The following CACNA2D2 variants were observed in gnomAD, a reference collection of about 807,000 sequenced individuals.
CACNA2D2 encodes the protein calcium voltage-gated channel auxiliary subunit alpha2delta 2, also known as voltage-dependent calcium channel subunit alpha-2/delta-2.
CACNA2D2 carries 48 observed loss-of-function variants against 166.4 expected under a neutral mutation model. The ratio of observed to expected loss-of-function variants is 0.29; its 90% CI spans 0.23 to 0.37. CACNA2D2 has a LOEUF of 0.37. Ranked by LOEUF, CACNA2D2 falls within the 10% of genes least tolerant of loss-of-function variation. The probability of loss-of-function intolerance (pLI) is 1.00; values close to 1 mark genes in which losing one functional copy is unlikely to be tolerated. For synonymous variants in CACNA2D2, 561 were observed against 573.7 expected (o/e 0.98, Z 0.32); for missense variants, 1,122 against 1,433.0 (o/e 0.78, Z 3.50).
At chr3:50,409,444 T>C (rs747835914) in intron 3 of CACNA2D2, among the ~76,000 whole-genome samples, 5 of 152,230 alleles carry the variant, frequency 3.3e-5, no homozygotes, top group African/African-American at 9.6e-5. Flanking sequence ...TCCTGAAATA[T>C]ATGGGTTGGC....
chr3:50,367,460 T>C lies in CACNA2D2; in HGVS notation c.2335A>G (p.Asn779Asp), dbSNP rs1450051024. Residue 779 changes from asparagine (N) to aspartate (D), a missense_variant, in exon 27 of 38, where the codon AAT becomes GAT. By Grantham distance (23) the Asn-to-Asp change is conservative. Coordinates refer to ENST00000424201, the MANE Select transcript of CACNA2D2 (RefSeq NM_006030.4). This position sits in a 1 kb window ranked among gnomAD's most constrained non-coding sequence, Gnocchi z 6.5. ...AGGCTGCGGCGGTAGAAGCTGGCATTGAAGGGCTCAGGGTTCTCTGTCCAG... is the reference window on the plus strand; with the variant it reads ...AGGCTGCGGCGGTAGAAGCTGGCATCGAAGGGCTCAGGGTTCTCTGTCCAG... Reference protein sequence around the residue: ...EDWTENPEPFNASFYRRSLDN... With the variant: ...EDWTENPEPFDASFYRRSLDN... 1.2e-6 allele frequency: 2 copies of C among 1,613,852 alleles called. No individual in the cohort carries two copies. The highest frequency in any genetic ancestry group is 2.2e-5 in the East Asian group (1 of 44,874).
intron 2 of CACNA2D2, among the ~76,000 whole-genome samples, chr3:50,437,867 C>T (rs1016924011): frequency 6.6e-6 from 1 of 152,224 alleles, no homozygotes; most frequent in Non-Finnish European, 1.5e-5. Context: ...TCAACCACCA[C>T]AGCAGGATGG....
intron 1 of CACNA2D2, 129 bp downstream of exon 1, chr3:50,503,089 G>A: frequency 2.3e-6 from 1 of 429,906 alleles, no homozygotes; most frequent in Non-Finnish European, 3.5e-6. Flanking sequence ...CGTCGCCCCC[G>A]GGCGCAGCGG....
At chr3:50,482,778 C>T (rs547767320) in intron 1 of CACNA2D2, among the ~76,000 whole-genome samples, 9 of 152,244 alleles carry the variant, frequency 5.9e-5, no homozygotes, top group Non-Finnish European at 1.0e-4. Context: ...GTGCCTTGTC[C>T]AAGGAGCCCT....
At chr3:50,497,286 G>A (rs1453158079) in intron 1 of CACNA2D2, among the ~76,000 whole-genome samples, 6 of 152,232 alleles carry the variant, frequency 3.9e-5, no homozygotes, top group Admixed American at 3.3e-4. Context: ...CCCAGGGGGA[G>A]GAGGGGTTTT....
chr3:50,399,836 A>G (rs1706355195), intron 3 of CACNA2D2, among the ~76,000 whole-genome samples: 1 of 152,096 alleles, frequency 6.6e-6, no homozygotes, highest in Non-Finnish European at 1.5e-5. Flanking sequence ...CCCTCCTGCC[A>G]CCCCTTAGAG....
intron 23 of CACNA2D2, among the ~76,000 whole-genome samples, chr3:50,368,976 C>T (rs1210610059): frequency 1.3e-5 from 2 of 152,208 alleles, no homozygotes; most frequent in African/African-American, 4.8e-5. Context: ...CCACCAGGGA[C>T]CGCTTCATTG....
chr3:50,420,357 C>T (rs1332615286), intron 3 of CACNA2D2, among the ~76,000 whole-genome samples: 2 of 152,224 alleles, frequency 1.3e-5, no homozygotes, highest in East Asian at 3.8e-4. Flanking sequence ...GGGGCCTCAG[C>T]AGCCTCTGGT....
chr3:50,380,643 G>A lies in CACNA2D2; in HGVS notation c.842+105C>T. On this transcript the variant is annotated intron_variant, in intron 8 of 37. Transcript: ENST00000424201. The surrounding 1 kb of genome is among the most constrained non-coding windows in gnomAD (Gnocchi z 4.9). ...TGTGAAATGAAAATTGGATACAGCT[G>A]GCTGCGCCCTGCTAGGAGGCTTGGA... The A allele has an allele frequency of 1.1e-6, 1 of 923,108 alleles. No individual in the cohort carries two copies. The highest frequency in any genetic ancestry group is 1.6e-6 in the Non-Finnish European group (1 of 627,060). 57.2% of individuals were successfully genotyped at this position (923,108 alleles called of 1,614,324 possible). A position where few individuals can be genotyped will look rare whatever the true frequency, so the allele number is the denominator to read the frequency against.
At chr3:50,493,900 G>T (rs1036286551) in intron 1 of CACNA2D2, among the ~76,000 whole-genome samples, 2 of 152,218 alleles carry the variant, frequency 1.3e-5, no homozygotes, top group African/African-American at 4.8e-5. Context: ...AGCAGTGAGC[G>T]AAAGCCAGAG....
intron 3 of CACNA2D2, among the ~76,000 whole-genome samples, chr3:50,409,099 C>A (rs1575643157): frequency 6.6e-6 from 1 of 152,328 alleles, no homozygotes; most frequent in East Asian, 1.9e-4. Context: ...TTCAGATCTA[C>A]CCTGAGTGAT....
chr3:50,391,776 A>G (rs1234617700), intron 4 of CACNA2D2, among the ~76,000 whole-genome samples: 1 of 152,164 alleles, frequency 6.6e-6, no homozygotes, highest in Non-Finnish European at 1.5e-5. Flanking sequence ...CAATACAGGG[A>G]GGGCCACACC....
intron 2 of CACNA2D2, among the ~76,000 whole-genome samples, chr3:50,461,372 G>T (rs1418993733): frequency 6.6e-6 from 1 of 152,170 alleles, no homozygotes; most frequent in East Asian, 1.9e-4. Flanking sequence ...GCGTTGGGGA[G>T]AAGGAAGGCT....
At chr3:50,443,529 G>A (rs972138038) in intron 2 of CACNA2D2, among the ~76,000 whole-genome samples, 7 of 152,222 alleles carry the variant, frequency 4.6e-5, no homozygotes, top group Admixed American at 1.3e-4. Flanking sequence ...TCAGTTCCAG[G>A]CCCCCGCTGC....
intron 2 of CACNA2D2, among the ~76,000 whole-genome samples, chr3:50,445,986 C>T (rs1178165402): frequency 6.7e-6 from 1 of 150,100 alleles, no homozygotes; most frequent in Non-Finnish European, 1.5e-5. Context: ...AAAACTCCAG[C>T]AGCAACAGGG....
At chr3:50,386,245 G>A (rs1705599928) in intron 5 of CACNA2D2, among the ~76,000 whole-genome samples, 8 of 152,172 alleles carry the variant, frequency 5.3e-5, no homozygotes, top group Admixed American at 5.2e-4. Context: ...TGAGGGGTTG[G>A]GGCCCTGGAT....
intron 3 of CACNA2D2, among the ~76,000 whole-genome samples, chr3:50,429,592 C>CAAAAAAAA (rs1160685582): frequency 1.7e-4 from 9 of 52,648 alleles, no homozygotes; most frequent in Admixed American, 5.1e-4. Flanking sequence ...ACTAAAAATA[C>CAAAAAAAA]AAAAAAAAAA....
intron 3 of CACNA2D2, among the ~76,000 whole-genome samples, chr3:50,412,323 T>G (rs1575648293): frequency 6.6e-6 from 1 of 152,194 alleles, no homozygotes; most frequent in South Asian, 2.1e-4. Flanking sequence ...ACCACCCCAA[T>G]GGTGGGCAGG....
intron 2 of CACNA2D2, among the ~76,000 whole-genome samples, chr3:50,462,014 G>A (rs1210589506): frequency 4.6e-5 from 7 of 152,200 alleles, no homozygotes; most frequent in Non-Finnish European, 1.0e-4. Flanking sequence ...AAGCCCAGGT[G>A]TATGAGAGCC....
Sources: gnomAD v4.1 joint callset for allele counts (sites outside exome capture counted in the v4.1 genomes callset) on GRCh38, gnomAD v4.1.1 for gene constraint, Gnocchi (gnomAD v3.1) non-coding constraint, MANE v1.5 for transcripts, NCBI Gene and HGNC (gene_info 2026-07-23, HGNC 2026-07-21) for gene names.